Variants in NAALADL2 observed in about 807,000 individuals in gnomAD.
The protein encoded by NAALADL2 is inactive N-acetylated-alpha-linked acidic dipeptidase-like protein 2.
In NAALADL2, 76 loss-of-function variants were observed where a neutral mutation model predicts 87.2. The ratio of observed to expected loss-of-function variants is 0.87; its 90% confidence interval spans 0.72 to 1.05. NAALADL2 has a LOEUF of 1.05. Ranked by LOEUF, NAALADL2 falls within the 50% of genes least tolerant of loss-of-function variation. The probability of loss-of-function intolerance (pLI) is 0.00; values close to 1 mark genes in which losing one functional copy is unlikely to be tolerated. For synonymous variants in NAALADL2, 354 were observed against 331.0 expected (o/e 1.07, Z -0.75); for missense variants, 1,089 against 945.8 (o/e 1.15, Z -1.99).
chr3:175,260,022 C>T (rs1750742263), intron 4 of NAALADL2, among the ~76,000 whole-genome samples: 1 of 151,350 alleles, frequency 6.6e-6, no homozygotes, highest in African/African-American at 2.4e-5. Flanking sequence ...AATGAAACTC[C>T]ATTAAAAAAA....
intron 1 of NAALADL2, among the ~76,000 whole-genome samples, chr3:174,445,081 C>T (rs748011884): frequency 2.0e-5 from 3 of 150,488 alleles, no homozygotes; most frequent in Admixed American, 6.6e-5. Context: ...CAGGGTTCTG[C>T]GTAAAGTCTT....
At position 175,717,594 on chromosome 3, in the gene NAALADL2, A is replaced by AG. The variant is rs535101736; in HGVS notation, c.1897-19707dup. ...GTGGTCCCAGCTACTTGGGGTGTTT[A>AG]GGGGGAGCATCACTTGAGCCCAGGA... is the stretch of plus-strand genomic sequence containing the variant. On this transcript the variant is annotated intron_variant, in intron 11 of 13. Coordinates refer to ENST00000454872, the MANE Select transcript of NAALADL2 (RefSeq NM_207015.3). Among the ~76,000 whole-genome samples the AG allele has an allele frequency of 1.4e-3, 206 of 151,424 alleles. 1 individual carries two copies. The highest frequency in any genetic ancestry group is 4.6e-3 in the African/African-American group (192 of 41,318).
chr3:174,927,121 A>G (rs897160994), intron 1 of NAALADL2, among the ~76,000 whole-genome samples: 1 of 152,200 alleles, frequency 6.6e-6, no homozygotes, highest in Non-Finnish European at 1.5e-5. Flanking sequence ...AGGCCATTAC[A>G]TAATGGTAAA....
At chr3:175,133,540 C>G (rs376795844) in intron 2 of NAALADL2, among the ~76,000 whole-genome samples, 13 of 152,308 alleles carry the variant, frequency 8.5e-5, no homozygotes, top group African/African-American at 3.1e-4. Context: ...GTCAACACAG[C>G]GAAACCCCGT....
At chr3:175,603,268 C>A (rs1723208308) in intron 10 of NAALADL2, among the ~76,000 whole-genome samples, 2 of 152,086 alleles carry the variant, frequency 1.3e-5, no homozygotes, top group Non-Finnish European at 2.9e-5. Context: ...ATTTCCACAG[C>A]CCTATACCAT....
chr3:175,564,897 A>G (rs183696336), intron 9 of NAALADL2, among the ~76,000 whole-genome samples: 6 of 152,304 alleles, frequency 3.9e-5, no homozygotes, highest in Non-Finnish European at 8.8e-5. Flanking sequence ...GTAGTTTGCA[A>G]TTTGTGAAGA....
At chr3:174,770,622 C>T (rs1189450888) in intron 3 of NAALADL2, among the ~76,000 whole-genome samples, 2 of 152,024 alleles carry the variant, frequency 1.3e-5, no homozygotes, top group East Asian at 1.9e-4. Flanking sequence ...GGGCGGATCA[C>T]GAGGTCAGGA....
intron 1 of NAALADL2, chr3:175,059,855 T>C (rs1713059538): frequency 9.3e-6 from 3 of 324,068 alleles, no homozygotes; most frequent in Non-Finnish European, 1.9e-5. Flanking sequence ...TGAGAATTGA[T>C]GTGACTTTAC....
chr3:175,452,960 T>G (rs931614007), intron 6 of NAALADL2, among the ~76,000 whole-genome samples: 1 of 152,158 alleles, frequency 6.6e-6, no homozygotes, highest in African/African-American at 2.4e-5. Flanking sequence ...CCAGAACTTC[T>G]CAAGTTTCCA....
At chr3:174,954,995 C>T (rs540672904) in intron 1 of NAALADL2, among the ~76,000 whole-genome samples, 2 of 151,944 alleles carry the variant, frequency 1.3e-5, no homozygotes, top group East Asian at 1.9e-4. Flanking sequence ...TTTAAAGTCT[C>T]CTTATAAAAA....
chr3:174,894,594 C>CAAA (rs869161862), intron 1 of NAALADL2, among the ~76,000 whole-genome samples: 1 of 48,476 alleles, frequency 2.1e-5, no homozygotes, highest in African/African-American at 1.1e-4. Flanking sequence ...AACTCCGTCT[C>CAAA]AAAAAAAAAA....
Position 175,278,916 on chromosome 3 carries a change from A to T in NAALADL2, c.939+22386A>T, listed in dbSNP as rs1056259916. Among the ~76,000 whole-genome samples, 27 of 152,166 alleles carry T rather than the reference A, an allele frequency of 1.8e-4. 1 individual carries two copies. Among genetic ancestry groups the T allele is most frequent in the African/African-American group, 6.5e-4 (27 of 41,442 alleles). On this transcript the variant is annotated intron_variant, in intron 4 of 13. Coordinates refer to ENST00000454872, the MANE Select transcript of NAALADL2 (RefSeq NM_207015.3). ...TGAAATATTTGTCTGTAGGACTATC[A>T]TCTTACAATGCAACTTCCCTAAAAG...
Position 174,623,678 on chromosome 3 carries a change from C to T in NAALADL2, c.-115+73041C>T, listed in dbSNP as rs187873606. Among the ~76,000 whole-genome samples the T allele has an allele frequency of 3.2e-3, 489 of 151,550 alleles. 3 individuals are homozygous for T. Among genetic ancestry groups the T allele is most frequent in the African/African-American group, 0.011 (458 of 41,156 alleles). ...AAAAAAAAGTGTGTATAAGTGTACC[C>T]ATGCAGTTTAACCCATGTTGTTGAA... is the stretch of plus-strand genomic sequence containing the variant. On this transcript the variant is annotated intron_variant, in intron 2 of 3. Coordinates refer to the NAALADL2 transcript ENST00000434257.
At chr3:175,254,321 A>T (rs1036092137) in intron 3 of NAALADL2, among the ~76,000 whole-genome samples, 11 of 152,200 alleles carry the variant, frequency 7.2e-5, no homozygotes, top group Admixed American at 2.6e-4. Context: ...TGTACTGAAC[A>T]CTCAGACCAA....
At chr3:175,184,578 A>G (rs1158620772) in intron 2 of NAALADL2, among the ~76,000 whole-genome samples, 2 of 151,992 alleles carry the variant, frequency 1.3e-5, no homozygotes, top group Non-Finnish European at 2.9e-5. Flanking sequence ...AAAGTCCCAT[A>G]TATGTACAAC....
chr3:174,533,222 C>A (rs764246354), intron 1 of NAALADL2, among the ~76,000 whole-genome samples: 66 of 151,502 alleles, frequency 4.4e-4, no homozygotes, highest in Non-Finnish European at 8.7e-4. Context: ...CTCTCGTGCC[C>A]CCTTGTTCAG....
Position 175,001,331 on chromosome 3 carries a change from A to G in NAALADL2, c.44-95459A>G, listed in dbSNP as rs182410689. Among the ~76,000 whole-genome samples the G allele has an allele frequency of 8.8e-4, 133 of 150,896 alleles. 1 individual carries two copies. The highest frequency in any genetic ancestry group is 1.7e-3 in the Non-Finnish European group (116 of 67,444). ...CTGTTTACATTTTGAGTAGCAAAGTATCCTTGCCCCATCTTGGGGCTCACT... is the reference window on the plus strand; with the variant it reads ...CTGTTTACATTTTGAGTAGCAAAGTGTCCTTGCCCCATCTTGGGGCTCACT... On this transcript the variant is annotated intron_variant, in intron 1 of 13. Coordinates refer to ENST00000454872, the MANE Select transcript of NAALADL2 (RefSeq NM_207015.3).
intron 2 of NAALADL2, among the ~76,000 whole-genome samples, chr3:174,589,448 C>T (rs778358948): frequency 5.9e-5 from 9 of 152,284 alleles, no homozygotes; most frequent in Non-Finnish European, 8.8e-5. Flanking sequence ...CCATCTTCTG[C>T]GTCGCTTATG....
chr3:175,105,540 TTA>T (rs1190890261), intron 2 of NAALADL2, among the ~76,000 whole-genome samples: 1 of 142,004 alleles, frequency 7.0e-6, no homozygotes, highest in African/African-American at 2.7e-5. Context: ...ATTCATATAT[TTA>T]TATATAGATT....
Sources: allele counts gnomAD v4.1 joint callset (sites outside exome capture counted in the v4.1 genomes callset), GRCh38; gene constraint gnomAD v4.1.1; transcripts MANE v1.5; gene names NCBI Gene and HGNC (gene_info 2026-07-23, HGNC 2026-07-21).